Variants in TAB2 observed in about 807,000 individuals in gnomAD.
TAB2 encodes the protein TGF-beta-activated kinase 1 and MAP3K7-binding protein 2.
A neutral mutation model predicts 65.0 loss-of-function variants in TAB2; 3 were observed. The ratio of observed to expected loss-of-function variants is 0.05; its 90% CI spans 0.02 to 0.12. The LOEUF is 0.12. Among genes scored for constraint, TAB2 ranks in the 10% least tolerant of loss-of-function variants. The pLI is 1.00. For missense variants in TAB2, 623 were observed against 840.3 expected, an observed-to-expected ratio of 0.74 and a Z score of 3.20; for synonymous variants, 298 against 285.1, an observed-to-expected ratio of 1.05 and a Z score of -0.46.
In TAB2 at chr6:149,317,817, C is replaced by T; in HGVS notation, c.-288C>T. The T allele has an allele frequency of 6.4e-6, 1 of 157,458 alleles. No homozygotes were observed. Among genetic ancestry groups the T allele is most frequent in the Non-Finnish European group, 1.4e-5 (1 of 73,854 alleles). 9.8% of individuals were successfully genotyped at this position (157,458 alleles called of 1,614,324 possible). On this transcript the variant is annotated 5_prime_UTR_variant, in exon 1 of 7. Transcript: ENST00000637181. This position sits in a 1 kb window ranked among gnomAD's most constrained non-coding sequence, Gnocchi z 4.7. ...GGCGGCGGCGGCCGGAGGGAGTTGG[C>T]GGCGGCGGGCGAGCGGAGGGGGCTG...
At chr6:149,252,710 G>C (rs1777886652) in intron 1 of TAB2, among the ~76,000 whole-genome samples, 1 of 152,124 alleles carries the variant, frequency 6.6e-6, no homozygotes, top group Admixed American at 6.5e-5. Context: ...CCTAGTCTTA[G>C]TACTGCTCAC....
chr6:149,356,097 C>T (rs559363613), intron 1 of TAB2, among the ~76,000 whole-genome samples: 1 of 152,176 alleles, frequency 6.6e-6, no homozygotes, highest in Admixed American at 6.5e-5. Flanking sequence ...TCTGATACCT[C>T]CTAATTTAAT....
chr6:149,305,161 C>T (rs888961447), intron 1 of TAB2, among the ~76,000 whole-genome samples: 3 of 152,158 alleles, frequency 2.0e-5, no homozygotes, highest in South Asian at 2.1e-4. Context: ...GACTGTACTG[C>T]GGTCTTTCCA....
upstream of TAB2, among the ~76,000 whole-genome samples, chr6:149,315,296 T>A (rs1311170464): frequency 6.6e-6 from 1 of 152,218 alleles, no homozygotes; most frequent in African/African-American, 2.4e-5. Context: ...AATTTTTAAT[T>A]GTTTTATTTT....
chr6:149,316,717 T>C (rs1779261283), upstream of TAB2, among the ~76,000 whole-genome samples: 1 of 152,170 alleles, frequency 6.6e-6, no homozygotes, highest in African/African-American at 2.4e-5. Flanking sequence ...AAGCTAGTCT[T>C]TGGCTCTGCT....
chr6:149,381,110 G>A (rs115358583), intron 3 of TAB2, among the ~76,000 whole-genome samples: 227 of 152,284 alleles, frequency 1.5e-3, no homozygotes, highest in African/African-American at 5.1e-3. Flanking sequence ...AATAAAGTAC[G>A]CAGGGCTCTG....
chr6:149,381,503 C>T (rs1781606013), intron 3 of TAB2, among the ~76,000 whole-genome samples: 1 of 150,090 alleles, frequency 6.7e-6, no homozygotes. Context: ...AAAAGATATT[C>T]ATGTTTAACT....
chr6:149,268,292 A>G (rs1309417836), intron 1 of TAB2, among the ~76,000 whole-genome samples: 1 of 152,204 alleles, frequency 6.6e-6, no homozygotes, highest in Non-Finnish European at 1.5e-5. Flanking sequence ...TCCCATTAGC[A>G]TTCCAGCAAC....
At chr6:149,309,136 C>T (rs1476757785) in intron 1 of TAB2, among the ~76,000 whole-genome samples, 3 of 151,954 alleles carry the variant, frequency 2.0e-5, no homozygotes, top group Non-Finnish European at 4.4e-5. Flanking sequence ...AGTTTTTAAA[C>T]TTCATGTAGT....
chr6:149,409,734 T>C lies in TAB2; in HGVS notation c.*15T>C, dbSNP rs1782784199. 6.2e-7 allele frequency: 1 copy of C among 1,613,892 alleles called. No homozygotes were observed. The highest frequency in any genetic ancestry group is 8.5e-7 in the Non-Finnish European group (1 of 1,179,878). On this transcript the variant is annotated 3_prime_UTR_variant, in exon 7 of 7. Coordinates refer to ENST00000637181, the MANE Select transcript of TAB2 (RefSeq NM_001292034.3). The stretch of plus-strand genomic sequence containing the variant: ...GGCATTTCTGAGCCAAATGGCCCTG[T>C]ATCTTCTCTAAAACCACATCTAAAG...
intron 1 of TAB2, among the ~76,000 whole-genome samples, chr6:149,336,738 G>A (rs373306413): frequency 1.6e-4 from 24 of 152,252 alleles, no homozygotes; most frequent in African/African-American, 5.8e-4. Context: ...CTAAGCAAGG[G>A]CAGTAGTGTA....
At chr6:149,284,244 A>G (rs569233514) in intron 1 of TAB2, among the ~76,000 whole-genome samples, 20 of 152,144 alleles carry the variant, frequency 1.3e-4, no homozygotes, top group African/African-American at 4.6e-4. Context: ...CCACATACCC[A>G]GCCTGAGTGC....
chr6:149,372,074 A>G (rs997620824), intron 2 of TAB2, among the ~76,000 whole-genome samples: 2 of 152,254 alleles, frequency 1.3e-5, no homozygotes, highest in African/African-American at 4.8e-5. Context: ...TCGTATTGAA[A>G]GAACTGTCCA....
chr6:149,348,416 G>T (rs1021878722), intron 1 of TAB2, among the ~76,000 whole-genome samples: 1 of 150,384 alleles, frequency 6.6e-6, no homozygotes, highest in Non-Finnish European at 1.5e-5. Context: ...AAGAGTAGGA[G>T]AAAGAAGGAA....
At chr6:149,395,799 T>A (rs1359572157) in intron 3 of TAB2, among the ~76,000 whole-genome samples, 1 of 152,188 alleles carries the variant, frequency 6.6e-6, no homozygotes, top group Non-Finnish European at 1.5e-5. Context: ...TCAGCAGCTA[T>A]CTGTGATTGT....
chr6:149,362,766 G>C (rs767035091), intron 1 of TAB2, among the ~76,000 whole-genome samples: 6 of 152,098 alleles, frequency 3.9e-5, no homozygotes, highest in Non-Finnish European at 5.9e-5. Context: ...GACAGACTTT[G>C]CCATATTTTT....
chr6:149,405,445 T>G (rs992875283), intron 6 of TAB2, among the ~76,000 whole-genome samples: 10 of 152,228 alleles, frequency 6.6e-5, no homozygotes, highest in Non-Finnish European at 1.2e-4. Flanking sequence ...CAAAGAGATA[T>G]CTGCACTCAT....
intron 6 of TAB2, chr6:149,400,645 A>G: frequency 6.2e-7 from 1 of 1,614,210 alleles, no homozygotes; most frequent in African/African-American, 1.3e-5. Flanking sequence ...GATACAATTG[A>G]TGTGTTTCAA....
intron 3 of TAB2, among the ~76,000 whole-genome samples, chr6:149,396,270 G>A (rs1046149119): frequency 7.2e-5 from 11 of 152,122 alleles, no homozygotes; most frequent in African/African-American, 1.7e-4. Context: ...CACCCTTCTC[G>A]GCCTCCCCAA....
Sources: allele counts gnomAD v4.1 joint callset (sites outside exome capture counted in the v4.1 genomes callset), GRCh38; gene constraint gnomAD v4.1.1; non-coding constraint Gnocchi (gnomAD v3.1); transcripts MANE v1.5; gene names NCBI Gene and HGNC (gene_info 2026-07-23, HGNC 2026-07-21).